The following SKIC8 variants were observed in gnomAD, a reference collection of about 807,000 sequenced individuals.
SKIC8 encodes the protein superkiller complex protein 8.
the SKIC8 span, among the ~76,000 whole-genome samples, chr15:78,298,206 T>C: frequency 2.6e-5 from 4 of 152,232 alleles, no homozygotes; most frequent in Non-Finnish European, 1.5e-5. Context: ...CCTGTCATTC[T>C]GGGCCTCACA....
At chr15:78,285,959 CT>C in the SKIC8 span, 3 of 1,192,256 alleles carry the variant, frequency 2.5e-6, no homozygotes, top group Admixed American at 2.8e-5. Context: ...GGTCAAACAT[CT>C]TTAAATGTTA....
At chr15:78,289,535 C>A in the SKIC8 span, 2 of 1,043,738 alleles carry the variant, frequency 1.9e-6, no homozygotes, top group South Asian at 3.0e-5. Context: ...GCCCATTTGC[C>A]ATTTAATGGC....
chr15:78,293,561 A>G, the SKIC8 span, among the ~76,000 whole-genome samples: 8 of 152,188 alleles, frequency 5.3e-5, no homozygotes, highest in African/African-American at 1.7e-4. Flanking sequence ...AGGAGTCTAC[A>G]ATGGCTATCA....
the SKIC8 span, among the ~76,000 whole-genome samples, chr15:78,297,832 C>T: frequency 6.6e-6 from 1 of 152,184 alleles, no homozygotes; most frequent in Non-Finnish European, 1.5e-5. Context: ...GCCTAAAAAG[C>T]TGCCGAAGGT....
chr15:78,293,239 C>T, the SKIC8 span: 7 of 1,613,916 alleles, frequency 4.3e-6, no homozygotes, highest in Non-Finnish European at 5.9e-6. Flanking sequence ...CTTGTTTGTC[C>T]CCCAAGCAAC....
chr15:78,299,408 A>T, the SKIC8 span: 1 of 152,568 alleles, frequency 6.6e-6, no homozygotes, highest in African/African-American at 2.4e-5. Flanking sequence ...AAATGGAGCC[A>T]TGGAAGCCAC....
the SKIC8 span, chr15:78,284,820 T>TA: frequency 0.011 from 1,682 of 148,274 alleles, 15 homozygotes; most frequent in African/African-American, 0.024. Context: ...TCTACTATAT[T>TA]AAAAAAAAAA....
chr15:78,295,824 T>A, the SKIC8 span: 1 of 1,020,736 alleles, frequency 9.8e-7, no homozygotes, highest in Non-Finnish European at 1.4e-6. Flanking sequence ...AACTCTTTAT[T>A]ATGAAGTTGT....
chr15:78,298,317 T>C, the SKIC8 span, among the ~76,000 whole-genome samples: 5 of 152,164 alleles, frequency 3.3e-5, no homozygotes, highest in Non-Finnish European at 7.3e-5. Flanking sequence ...TATCAATGAG[T>C]GCACATTTGA....
At chr15:78,295,777 G>A in the SKIC8 span, 1 of 1,432,328 alleles carries the variant, frequency 7.0e-7, no homozygotes, top group Non-Finnish European at 9.4e-7. Context: ...AGGATAGAAG[G>A]CACACAGGAA....
At chr15:78,289,810 T>A in the SKIC8 span, 1 of 1,515,242 alleles carries the variant, frequency 6.6e-7, no homozygotes. Context: ...TCTACAGGTC[T>A]AACTGGCTAC....
the SKIC8 span, among the ~76,000 whole-genome samples, chr15:78,293,615 A>T: frequency 6.6e-6 from 1 of 152,180 alleles, no homozygotes; most frequent in Non-Finnish European, 1.5e-5. Context: ...ACCCCCTCCT[A>T]CCAAGAAAAG....
the SKIC8 span, among the ~76,000 whole-genome samples, chr15:78,298,499 T>C: frequency 3.3e-5 from 5 of 152,198 alleles, no homozygotes; most frequent in African/African-American, 1.2e-4. Context: ...AGTAAGATAT[T>C]TTGAGAGAGA....
At chr15:78,288,347 G>A in the SKIC8 span, 38 of 1,613,750 alleles carry the variant, frequency 2.4e-5, no homozygotes, top group Admixed American at 8.3e-5. Flanking sequence ...TGGGAGTCCG[G>A]GGAAAAGGTC....
the SKIC8 span, chr15:78,290,250 T>C: frequency 2.4e-6 from 2 of 841,338 alleles, no homozygotes; most frequent in African/African-American, 1.7e-5. Flanking sequence ...TAATTCTTTA[T>C]CAAGTTTAAA....
chr15:78,285,533 C>T, the SKIC8 span: 1 of 594,200 alleles, frequency 1.7e-6, no homozygotes, highest in South Asian at 2.0e-5. Flanking sequence ...TTGTGATCTG[C>T]CTGGCCCTCA....
chr15:78,295,543 AG>A, the SKIC8 span: 2 of 1,198,438 alleles, frequency 1.7e-6, no homozygotes, highest in Non-Finnish European at 2.5e-6. Flanking sequence ...CTAGGTACCC[AG>A]GGTCACCCAG....
At chr15:78,295,293 A>G in the SKIC8 span, 1 of 553,470 alleles carries the variant, frequency 1.8e-6, no homozygotes, top group Non-Finnish European at 3.2e-6. Context: ...TTTGTAGCTT[A>G]AATTTTGCAG....
At chr15:78,283,536 A>G in the SKIC8 span, 1 of 1,584,534 alleles carries the variant, frequency 6.3e-7, no homozygotes, top group South Asian at 1.1e-5. Flanking sequence ...AAATTTAAAA[A>G]AAGATAGTTC....
Sources: gnomAD v4.1 joint callset for allele counts (sites outside exome capture counted in the v4.1 genomes callset) on GRCh38, gnomAD v4.1.1 for gene constraint, MANE v1.5 for transcripts, NCBI Gene and HGNC (gene_info 2026-07-23, HGNC 2026-07-21) for gene names.